NIBAN2: variants seen among roughly 807,000 people sequenced by gnomAD.
NIBAN2 encodes the protein protein Niban 2.
In NIBAN2, 36 loss-of-function variants were observed where a neutral mutation model predicts 81.8. That is an observed-to-expected ratio of 0.44 (90% CI 0.34 to 0.58). The LOEUF (loss-of-function observed/expected upper bound fraction) is 0.58, where lower values mean the gene tolerates loss of function less well. NIBAN2 is among the 20% of genes least tolerant of loss of function. The pLI is 0.02. For synonymous variants in NIBAN2, 445 were observed against 441.6 expected (o/e 1.01, Z -0.10); for missense variants, 897 against 1,014.1 (o/e 0.88, Z 1.57).
At chr9:127,555,714 A>G (rs553742141) in intron 1 of NIBAN2, among the ~76,000 whole-genome samples, 1 of 152,312 alleles carries the variant, frequency 6.6e-6, no homozygotes, top group South Asian at 2.1e-4. Flanking sequence ...CTCCTCTGTG[A>G]CAGGAGAGCA....
intron 1 of NIBAN2, among the ~76,000 whole-genome samples, chr9:127,532,216 C>T (rs1305607313): frequency 1.3e-5 from 2 of 152,150 alleles, no homozygotes; most frequent in Non-Finnish European, 2.9e-5. Context: ...GACACAAAGG[C>T]GAATGTGCAC....
chr9:127,578,776 G>C, intron 1 of NIBAN2: 2 of 694,970 alleles, frequency 2.9e-6, no homozygotes, highest in Non-Finnish European at 4.8e-6. Flanking sequence ...AGGATCCCTT[G>C]AGCCCAGGAG....
chr9:127,545,382 G>A lies in NIBAN2; in HGVS notation c.56-13604C>T, dbSNP rs1389193757. 2.6e-5 allele frequency among the ~76,000 whole-genome samples: 4 copies of A among 152,138 alleles called. No homozygotes were observed. Among genetic ancestry groups the A allele is most frequent in the South Asian group, 2.1e-4 (1 of 4,824 alleles). ...GCTCCCCGGACTGAGACTGCTCTCC[G>A]CTGTCTCCCCAGCACCCAGCTCCCG... On this transcript the variant is annotated intron_variant, in intron 1 of 13. Transcript: ENST00000373312. This position sits in a 1 kb window ranked among gnomAD's most constrained non-coding sequence, Gnocchi z 4.7.
At chr9:127,575,818 C>T (rs78684043) in intron 1 of NIBAN2, among the ~76,000 whole-genome samples, 76 of 152,206 alleles carry the variant, frequency 5.0e-4, no homozygotes, top group Admixed American at 3.7e-3. Context: ...CGTGAGCCAC[C>T]GTGCCTGGCT....
At chr9:127,573,638 C>T (rs984140435), upstream of NIBAN2, among the ~76,000 whole-genome samples, 1 of 151,914 alleles carries the variant, frequency 6.6e-6, no homozygotes, top group East Asian at 1.9e-4. Context: ...ATTTAGTGGC[C>T]ATTTGTGGGT....
At chr9:127,550,055 G>A (rs367848761) in intron 1 of NIBAN2, among the ~76,000 whole-genome samples, 5 of 152,314 alleles carry the variant, frequency 3.3e-5, no homozygotes, top group East Asian at 3.9e-4. Context: ...AGTGGGGACC[G>A]CCTCAGTGTC....
Position 127,507,181 on chromosome 9 carries a change from A to G in NIBAN2, c.1905T>C (p.Phe635=). ...GTGGTGGTGACTCAGGGCTAGCCTC[A>G]AAGGGCAGCCCCACCTCCTCATCCT... ...VVQDEEVGLP[F]EASPESPPPA... Residue 635 remains phenylalanine (F), a synonymous_variant, in exon 14 of 14, where the codon TTT becomes TTC. Transcript: ENST00000373312. The surrounding 1 kb of genome is among the most constrained non-coding windows in gnomAD (Gnocchi z 6.8). 1 of 1,612,620 alleles carries G rather than the reference A, an allele frequency of 6.2e-7. No individual in the cohort carries two copies. The highest frequency in any genetic ancestry group is 8.5e-7 in the Non-Finnish European group (1 of 1,179,692).
Position 127,540,021 on chromosome 9 carries a change from G to A in NIBAN2, c.56-8243C>T, listed in dbSNP as rs185266913. On this transcript the variant is annotated intron_variant, in intron 1 of 13. Coordinates refer to ENST00000373312, the MANE Select transcript of NIBAN2 (RefSeq NM_022833.4). ...AGCCCTTTACCCTGGCAAGAAGGGG[G>A]CACTTCACCAATGGGGGCTCCTAAG... 1.8e-3 allele frequency among the ~76,000 whole-genome samples: 271 copies of A among 152,290 alleles called. 1 individual carries two copies. Among genetic ancestry groups the A allele is most frequent in the African/African-American group, 6.0e-3 (250 of 41,550 alleles).
chr9:127,575,399 G>C (rs754070844), intron 1 of NIBAN2, among the ~76,000 whole-genome samples: 12 of 151,374 alleles, frequency 7.9e-5, no homozygotes, highest in Non-Finnish European at 1.8e-4. Flanking sequence ...GGCTAATTTT[G>C]GTATTTTTAG....
intron 5 of NIBAN2, among the ~76,000 whole-genome samples, chr9:127,518,522 A>G (rs969200394): frequency 6.6e-6 from 1 of 152,214 alleles, no homozygotes; most frequent in African/African-American, 2.4e-5. Context: ...CAGCACAAAA[A>G]CAGCCACGGA....
chr9:127,557,869 C>G (rs1202775359), intron 1 of NIBAN2, among the ~76,000 whole-genome samples: 1 of 152,192 alleles, frequency 6.6e-6, no homozygotes, highest in East Asian at 1.9e-4. Flanking sequence ...ATCCTGCCAC[C>G]CTCCTTGAGA....
intron 2 of NIBAN2, among the ~76,000 whole-genome samples, chr9:127,529,722 T>G (rs1837143435): frequency 6.6e-6 from 1 of 152,250 alleles, no homozygotes; most frequent in Non-Finnish European, 1.5e-5. Flanking sequence ...TATCACTATT[T>G]TTATTTGTAT....
At chr9:127,569,217 G>C (rs1837915383), upstream of NIBAN2, 1 of 416,100 alleles carries the variant, frequency 2.4e-6, no homozygotes, top group Non-Finnish European at 3.0e-6. Context: ...CCCCGCCCTC[G>C]GTCCTGCACC....
chr9:127,526,872 G>A (rs918169584), intron 3 of NIBAN2, among the ~76,000 whole-genome samples: 1 of 152,202 alleles, frequency 6.6e-6, no homozygotes, highest in Admixed American at 6.5e-5. Context: ...GAGGAAGGAG[G>A]TGGCAGGAGG....
In NIBAN2 at chr9:127,563,413, T is replaced by C. The variant is rs567073570; in HGVS notation, c.55+5407A>G. Among the ~76,000 whole-genome samples the C allele has an allele frequency of 5.3e-5, 8 of 152,198 alleles. No homozygotes were observed. Among genetic ancestry groups the C allele is most frequent in the Admixed American group, 4.6e-4 (7 of 15,300 alleles). ...CGGCCAGCCTGGTCTCTCTGCAAAG[T>C]CCAGGGGAGCAAAGAGGAAGCCACA... On this transcript the variant is annotated intron_variant, in intron 1 of 13. Coordinates refer to ENST00000373312, the MANE Select transcript of NIBAN2 (RefSeq NM_022833.4). The surrounding 1 kb of genome is among the most constrained non-coding windows in gnomAD (Gnocchi z 4.1).
At chr9:127,556,300 G>A (rs1837668806) in intron 1 of NIBAN2, among the ~76,000 whole-genome samples, 1 of 152,012 alleles carries the variant, frequency 6.6e-6, no homozygotes, top group Non-Finnish European at 1.5e-5. Context: ...CACAAGGGCA[G>A]GGGGTACGTC....
upstream of NIBAN2, among the ~76,000 whole-genome samples, chr9:127,573,918 A>AT (rs1837977723): frequency 6.6e-6 from 1 of 152,136 alleles, no homozygotes; most frequent in East Asian, 1.9e-4. Flanking sequence ...TTGGCCTCTC[A>AT]AAGTGCTGGG....
chr9:127,519,856 G>A (rs1243631772), intron 5 of NIBAN2, among the ~76,000 whole-genome samples: 1 of 152,216 alleles, frequency 6.6e-6, no homozygotes, highest in African/African-American at 2.4e-5. Context: ...AGAAGGGCAT[G>A]GTTTCCTAGA....
chr9:127,522,381 C>G (rs1023130741), intron 5 of NIBAN2, among the ~76,000 whole-genome samples: 5 of 152,148 alleles, frequency 3.3e-5, no homozygotes, highest in African/African-American at 9.7e-5. Flanking sequence ...GGCACTGCGC[C>G]CAAGGGTGGG....
Sources: allele counts gnomAD v4.1 joint callset (sites outside exome capture counted in the v4.1 genomes callset), GRCh38; gene constraint gnomAD v4.1.1; non-coding constraint Gnocchi (gnomAD v3.1); transcripts MANE v1.5; gene names NCBI Gene and HGNC (gene_info 2026-07-23, HGNC 2026-07-21).